Variants in HBS1L observed in about 807,000 individuals in gnomAD.
HBS1L encodes the protein HBS1-like protein.
Under a neutral mutation model 88.9 loss-of-function variants are expected in HBS1L, and 55 were observed. The observed-to-expected ratio is 0.62, with a 90% confidence interval of 0.50 to 0.77. The LOEUF is 0.77. Ranked by LOEUF, HBS1L falls within the 30% of genes least tolerant of loss-of-function variation. HBS1L has a pLI of 0.00. For missense variants in HBS1L, 741 were observed against 829.3 expected, an observed-to-expected ratio of 0.89 and a Z score of 1.31; for synonymous variants, 267 against 288.5, an observed-to-expected ratio of 0.93 and a Z score of 0.76.
At chr6:135,036,477 C>T in intron 4 of HBS1L, 1 of 1,363,814 alleles carries the variant, frequency 7.3e-7, no homozygotes, top group Non-Finnish European at 9.4e-7. Flanking sequence ...GAATTTGAAT[C>T]CCATAATATA....
At chr6:135,052,002 C>T (rs1777101355) in intron 1 of HBS1L, among the ~76,000 whole-genome samples, 1 of 152,152 alleles carries the variant, frequency 6.6e-6, no homozygotes, top group Non-Finnish European at 1.5e-5. Context: ...TGGGAACACA[C>T]ACATGAATGA....
chr6:135,022,886 T>G (rs1213588529), intron 4 of HBS1L, among the ~76,000 whole-genome samples: 2 of 148,224 alleles, frequency 1.3e-5, no homozygotes, highest in East Asian at 2.0e-4. Context: ...ATTTCCAGGA[T>G]AAGGATAAAA....
At chr6:134,984,572 C>A (rs530231995) in intron 12 of HBS1L, among the ~76,000 whole-genome samples, 1 of 152,264 alleles carries the variant, frequency 6.6e-6, no homozygotes, top group Non-Finnish European at 1.5e-5. Flanking sequence ...GGCTCTGTGA[C>A]AATGGAGATT....
intron 8 of HBS1L, among the ~76,000 whole-genome samples, chr6:134,990,320 A>G (rs1313980384): frequency 6.6e-6 from 1 of 152,140 alleles, no homozygotes; most frequent in Admixed American, 6.6e-5. Context: ...TCCACAATGT[A>G]TATCTTCTCT....
intron 1 of HBS1L, among the ~76,000 whole-genome samples, chr6:135,054,063 T>C (rs909929898): frequency 3.3e-5 from 5 of 152,252 alleles, no homozygotes; most frequent in Non-Finnish European, 5.9e-5. Flanking sequence ...CGACTCATTC[T>C]TTGGGCCTTT....
intron 4 of HBS1L, among the ~76,000 whole-genome samples, chr6:135,012,875 A>G (rs1583111052): frequency 6.6e-6 from 1 of 152,354 alleles, no homozygotes; most frequent in East Asian, 1.9e-4. Context: ...GGCCAACTCC[A>G]GCAATGTATG....
chr6:134,969,617 G>A (rs1774424320), intron 15 of HBS1L, among the ~76,000 whole-genome samples: 2 of 152,184 alleles, frequency 1.3e-5, no homozygotes, highest in Non-Finnish European at 2.9e-5. Flanking sequence ...TGTAAAGATG[G>A]AGGGTAACAA....
Position 134,960,812 on chromosome 6 carries a change from A to T in HBS1L, c.*4467T>A, listed in dbSNP as rs950526240. ...TATAATTATAGATATGTCATGTTAA[A>T]TGAGTATATGAAAATTGCTTGGCAC... On this transcript the variant is annotated 3_prime_UTR_variant, in exon 18 of 18. Coordinates refer to ENST00000367837, the MANE Select transcript of HBS1L (RefSeq NM_006620.4). The T allele has an allele frequency of 2.6e-5, 4 of 152,182 alleles. No individual in the cohort carries two copies. The highest frequency in any genetic ancestry group is 9.7e-5 in the African/African-American group (4 of 41,448). 9.4% of individuals were successfully genotyped at this position (152,182 alleles called of 1,614,324 possible).
intron 5 of HBS1L, among the ~76,000 whole-genome samples, chr6:134,999,452 T>TTC (rs1562288729): frequency 6.9e-6 from 1 of 145,146 alleles, no homozygotes; most frequent in South Asian, 2.2e-4. Flanking sequence ...TCTTTTCTTT[T>TTC]TTTTTTTTTT....
At chr6:134,978,565 G>T in intron 15 of HBS1L, 114 bp downstream of exon 15, 2 of 548,196 alleles carry the variant, frequency 3.6e-6, no homozygotes, top group Non-Finnish European at 6.4e-6. Context: ...ACAGTAATAA[G>T]ATGTTAATTC....
At chr6:135,053,099 C>T (rs868732478) in intron 1 of HBS1L, among the ~76,000 whole-genome samples, 24 of 152,144 alleles carry the variant, frequency 1.6e-4, no homozygotes, top group East Asian at 5.8e-4. Flanking sequence ...TTCAAAGAAG[C>T]ATGACAACAT....
chr6:135,048,986 T>G (rs567637203), intron 2 of HBS1L, among the ~76,000 whole-genome samples: 1 of 152,192 alleles, frequency 6.6e-6, no homozygotes, highest in South Asian at 2.1e-4. Context: ...ATTATAAAAG[T>G]CAGAAGGGGC....
In HBS1L at chr6:134,997,079, C is replaced by T. The variant is rs79814960; in HGVS notation, c.800-137G>A. ...AGTATTTATCAAATGACAGTTAAAA[C>T]ATCTAATAGAAAAAAAAAAGAGCAT... is the stretch of plus-strand genomic sequence containing the variant. On this transcript the variant is annotated intron_variant, in intron 6 of 17. Transcript: ENST00000367837. The T allele has an allele frequency of 2.9e-3, 2,034 of 711,476 alleles. 26 individuals carry two copies. The highest frequency in any genetic ancestry group is 0.021 in the African/African-American group (1,190 of 56,216). The allele number at this position is 711,476 out of a possible 1,614,324, so 44.1% of individuals were successfully genotyped here. A position where few individuals can be genotyped will look rare whatever the true frequency, so the allele number is the denominator to read the frequency against.
intron 4 of HBS1L, among the ~76,000 whole-genome samples, chr6:135,005,443 G>A (rs1379765562): frequency 6.6e-6 from 1 of 152,266 alleles, no homozygotes; most frequent in Admixed American, 6.5e-5. Flanking sequence ...AATTCACTGG[G>A]GCTATTATAC....
intron 4 of HBS1L, among the ~76,000 whole-genome samples, chr6:135,012,609 G>GT (rs1486331752): frequency 6.6e-6 from 1 of 151,922 alleles, no homozygotes; most frequent in African/African-American, 2.4e-5. Context: ...AAATCTACTT[G>GT]TAAATTTAGT....
chr6:135,019,721 A>G (rs1776019590), intron 4 of HBS1L, among the ~76,000 whole-genome samples: 1 of 151,928 alleles, frequency 6.6e-6, no homozygotes, highest in Admixed American at 6.6e-5. Context: ...GACATACAAT[A>G]AGATCATTGT....
chr6:134,986,602 T>C lies in HBS1L; in HGVS notation c.1305+134A>G, dbSNP rs4376365. The C allele has an allele frequency of 0.51, 248,995 of 491,568 alleles. 63,906 individuals carry two copies. The highest frequency in any genetic ancestry group is 0.6 in the South Asian group (16,521 of 27,568). 30.5% of individuals were successfully genotyped at this position (491,568 alleles called of 1,614,324 possible). ...AATAATCCAAAGAATATATTATATATATGATACTCAAGAGAAAATAAAGCA... is the reference window on the plus strand; with the variant it reads ...AATAATCCAAAGAATATATTATATACATGATACTCAAGAGAAAATAAAGCA... On this transcript the variant is annotated intron_variant, in intron 10 of 17. Transcript: ENST00000367837.
At chr6:135,016,106 G>A (rs192484231) in intron 4 of HBS1L, among the ~76,000 whole-genome samples, 4 of 151,838 alleles carry the variant, frequency 2.6e-5, no homozygotes, top group East Asian at 1.9e-4. Flanking sequence ...GGCTGGTCTC[G>A]AACTCCCAAC....
intron 2 of HBS1L, among the ~76,000 whole-genome samples, chr6:135,043,929 G>A (rs960082718): frequency 3.3e-5 from 5 of 152,082 alleles, no homozygotes; most frequent in African/African-American, 1.2e-4. Context: ...TTGCATCACT[G>A]CATAATAACA....
Sources: gnomAD v4.1 joint callset for allele counts (sites outside exome capture counted in the v4.1 genomes callset) on GRCh38, gnomAD v4.1.1 for gene constraint, MANE v1.5 for transcripts, NCBI Gene and HGNC (gene_info 2026-07-23, HGNC 2026-07-21) for gene names.